The following CDH18 variants were observed in gnomAD, a reference collection of about 807,000 sequenced individuals.
CDH18 encodes cadherin 18.
CDH18 carries 31 observed loss-of-function variants against 67.9 expected under a neutral mutation model. The ratio of observed to expected loss-of-function variants is 0.46; its 90% CI spans 0.34 to 0.62. CDH18 has a LOEUF of 0.62. Among genes scored for constraint, CDH18 ranks in the 20% least tolerant of loss-of-function variants. CDH18 has a pLI of 0.01. For missense variants in CDH18, 890 were observed against 975.5 expected (o/e 0.91, Z 1.17); for synonymous variants, 362 against 347.2 (o/e 1.04, Z -0.48).
chr5:19,481,727 C>T (rs751007387), intron 12 of CDH18, among the ~76,000 whole-genome samples: 11 of 152,182 alleles, frequency 7.2e-5, no homozygotes, highest in Non-Finnish European at 8.8e-5. Context: ...TCCATCTATA[C>T]AAGTTATTTG....
chr5:20,159,199 T>TA, intron 2 of CDH18, among the ~76,000 whole-genome samples: 1 of 152,140 alleles, frequency 6.6e-6, no homozygotes, highest in East Asian at 1.9e-4. Context: ...GACCAAAATA[T>TA]AAAAACAGAT....
intron 5 of CDH18, among the ~76,000 whole-genome samples, chr5:19,710,077 G>C (rs1764522464): frequency 1.3e-5 from 2 of 152,176 alleles, no homozygotes; most frequent in South Asian, 4.1e-4. Context: ...AGAAGTTGAA[G>C]TGAGTCAAGG....
intron 3 of CDH18, among the ~76,000 whole-genome samples, chr5:19,791,267 C>T (rs1254962941): frequency 6.6e-6 from 1 of 151,198 alleles, no homozygotes; most frequent in Non-Finnish European, 1.5e-5. Context: ...GTGTAAAATT[C>T]CAGAGACATG....
Position 19,591,079 on chromosome 5 carries a change from T to A in CDH18, c.977A>T (p.Glu326Val), listed in dbSNP as rs528650652. 1.1e-5 allele frequency: 18 copies of A among 1,599,934 alleles called. No individual in the cohort carries two copies. The South Asian group carries it at 1.8e-4, about 16-fold the overall frequency. The change falls in exon 7 of 13, where the codon GAA becomes GTA. Residue 326 changes from glutamate to valine, a missense_variant. Glu to Val is a moderately radical substitution (Grantham distance 121). This residue lies in a region of CDH18 where 656 missense variants were observed against 668.1 expected (regional missense o/e 0.98). Coordinates refer to ENST00000382275, the MANE Select transcript of CDH18 (RefSeq NM_004934.5). The part of the protein sequence containing the change: ...FSISTDKETR[E>V]GILSLKKPLN... ...TACCTTCTTTAAAGAAAGGATTCCT[T>A]CTCTGGTCTCTTTGTCAGTGGAGAT...
chr5:19,759,403 G>A (rs1772043537), intron 3 of CDH18, among the ~76,000 whole-genome samples: 1 of 152,132 alleles, frequency 6.6e-6, no homozygotes, highest in South Asian at 2.1e-4. Flanking sequence ...GCTTCCATTT[G>A]GCCTTTCCCA....
At chr5:20,115,039 T>C (rs146724172) in intron 2 of CDH18, among the ~76,000 whole-genome samples, 6 of 152,212 alleles carry the variant, frequency 3.9e-5, no homozygotes, top group Admixed American at 2.0e-4. Context: ...CAAATTACCA[T>C]GGATGCAGTA....
chr5:20,299,912 G>A (rs1561951351), intron 1 of CDH18, among the ~76,000 whole-genome samples: 1 of 152,060 alleles, frequency 6.6e-6, no homozygotes, highest in African/African-American at 2.4e-5. Context: ...TGCAGGTTAA[G>A]GTATCTTTAT....
intron 12 of CDH18, among the ~76,000 whole-genome samples, chr5:19,477,071 A>G (rs985693707): frequency 1.3e-5 from 2 of 150,452 alleles, no homozygotes; most frequent in Non-Finnish European, 3.0e-5. Flanking sequence ...CTTTCTGGAT[A>G]TTATTTGCTA....
chr5:19,779,237 A>G (rs1183114282), intron 3 of CDH18, among the ~76,000 whole-genome samples: 1 of 152,178 alleles, frequency 6.6e-6, no homozygotes, highest in African/African-American at 2.4e-5. Flanking sequence ...GTGTACATCT[A>G]TAATATTAAT....
At chr5:19,968,226 T>G (rs1487570088) in intron 2 of CDH18, among the ~76,000 whole-genome samples, 4 of 152,096 alleles carry the variant, frequency 2.6e-5, no homozygotes, top group Non-Finnish European at 4.4e-5. Flanking sequence ...TCCATGCTCA[T>G]GGGTGGGAAG....
chr5:19,954,852 GA>G lies in CDH18; in HGVS notation c.-257+26207del, dbSNP rs201885867. On this transcript the variant is annotated intron_variant, in intron 2 of 12. Coordinates refer to ENST00000382275, the MANE Select transcript of CDH18 (RefSeq NM_004934.5). ...CTGTTATGAAAAATAACAATCTCAG[GA>G]AAAAAAAAAAGAGTTATTGGGACTG... is the stretch of plus-strand genomic sequence containing the variant. Among the ~76,000 whole-genome samples the G allele has an allele frequency of 1.5e-3, 215 of 144,344 alleles. 1 individual carries two copies. The highest frequency in any genetic ancestry group is 4.1e-3 in the Admixed American group (59 of 14,378). 94.7% of individuals were successfully genotyped at this position (144,344 alleles called of 152,430 possible).
chr5:19,672,339 C>T (rs1017292467), intron 5 of CDH18, among the ~76,000 whole-genome samples: 2 of 152,074 alleles, frequency 1.3e-5, no homozygotes, highest in African/African-American at 4.8e-5. Context: ...AATCTGCTAA[C>T]ATTTACAGAA....
In CDH18 at chr5:20,532,713, T is replaced by C. The variant is rs115327667; in HGVS notation, c.-580+42749A>G. Reference sequence around the variant, plus strand: ...GCCAATACATATTTCTGACAATTCATTCTATTAAATACTTCAACACCTAAC... The same window carrying C: ...GCCAATACATATTTCTGACAATTCACTCTATTAAATACTTCAACACCTAAC... On this transcript the variant is annotated intron_variant, in intron 1 of 14. Transcript: ENST00000507958. 3.8e-3 allele frequency among the ~76,000 whole-genome samples: 583 copies of C among 152,234 alleles called. 2 individuals are homozygous for C. The highest frequency in any genetic ancestry group is 6.9e-3 in the Non-Finnish European group (471 of 67,988).
chr5:19,788,386 C>A (rs1333433439), intron 3 of CDH18, among the ~76,000 whole-genome samples: 1 of 152,098 alleles, frequency 6.6e-6, no homozygotes, highest in African/African-American at 2.4e-5. Context: ...AAAGAGACTT[C>A]AAGTGTTTAA....
At chr5:19,889,970 C>G (rs1788613084) in intron 2 of CDH18, among the ~76,000 whole-genome samples, 1 of 152,122 alleles carries the variant, frequency 6.6e-6, no homozygotes, top group South Asian at 2.1e-4. Context: ...TGGTTACCAT[C>G]TAAGAATCTT....
intron 8 of CDH18, among the ~76,000 whole-genome samples, chr5:19,545,530 G>A (rs147166708): frequency 9.2e-5 from 14 of 152,252 alleles, no homozygotes; most frequent in African/African-American, 3.4e-4. Context: ...TGTCAACTTG[G>A]ACAAAGATGG....
intron 1 of CDH18, among the ~76,000 whole-genome samples, chr5:20,281,136 A>T (rs1746235134): frequency 6.6e-6 from 1 of 151,550 alleles, no homozygotes. Flanking sequence ...GGTTGCAAAA[A>T]TTTTCTCCCA....
intron 1 of CDH18, among the ~76,000 whole-genome samples, chr5:20,349,641 C>G (rs1391922843): frequency 1.3e-5 from 2 of 151,972 alleles, no homozygotes; most frequent in African/African-American, 4.8e-5. Context: ...AGGGAATACA[C>G]AAAGATTACA....
At chr5:19,610,108 T>C (rs1748703259) in intron 6 of CDH18, among the ~76,000 whole-genome samples, 1 of 152,068 alleles carries the variant, frequency 6.6e-6, no homozygotes, top group African/African-American at 2.4e-5. Flanking sequence ...ACCCCAAGTG[T>C]AAACTTCTGA....
Sources: allele counts gnomAD v4.1 joint callset (sites outside exome capture counted in the v4.1 genomes callset), GRCh38; gene constraint gnomAD v4.1.1; regional missense constraint gnomAD v4.1.1; transcripts MANE v1.5; gene names NCBI Gene and HGNC (gene_info 2026-07-23, HGNC 2026-07-21).